PLCZ1: variants seen among roughly 807,000 people sequenced by gnomAD.
PLCZ1 encodes phospholipase C zeta 1.
A neutral mutation model predicts 76.8 loss-of-function variants in PLCZ1; 64 were observed. The ratio of observed to expected loss-of-function variants is 0.83; its 90% CI spans 0.68 to 1.03. The LOEUF (loss-of-function observed/expected upper bound fraction) is 1.03. Ranked by LOEUF, PLCZ1 falls within the 50% of genes least tolerant of loss-of-function variation. The probability of loss-of-function intolerance (pLI) is 0.00; values close to 1 mark genes in which losing one functional copy is unlikely to be tolerated. For missense variants in PLCZ1, 751 were observed against 713.7 expected (o/e 1.05, Z -0.60); for synonymous variants, 248 against 230.8 (o/e 1.07, Z -0.68).
intron 10 of PLCZ1, among the ~76,000 whole-genome samples, chr12:18,697,736 C>T (rs527434628): frequency 1.1e-4 from 16 of 151,866 alleles, no homozygotes; most frequent in Non-Finnish European, 2.1e-4. Flanking sequence ...TTTCACAAAC[C>T]GTTATCTTTA....
At chr12:18,664,638 C>T in the PLCZ1 span, among the ~76,000 whole-genome samples, 1 of 151,760 alleles carries the variant, frequency 6.6e-6, no homozygotes, top group East Asian at 2.0e-4. Flanking sequence ...ACCATTTGAC[C>T]CAGCCATCCC....
chr12:18,703,315 A>T (rs1956184170), intron 7 of PLCZ1, among the ~76,000 whole-genome samples: 2 of 152,106 alleles, frequency 1.3e-5, no homozygotes, highest in South Asian at 4.1e-4. Flanking sequence ...ATGTCTTGTC[A>T]CTAGTGTCAC....
At chr12:18,737,564 C>G in intron 1 of PLCZ1, 55 bp from the exon 2 acceptor site, 1 of 726,756 alleles carries the variant, frequency 1.4e-6, no homozygotes, top group Non-Finnish European at 2.4e-6. Context: ...TTCTTTGAAG[C>G]TAGCTCACAC....
intron 4 of PLCZ1, among the ~76,000 whole-genome samples, chr12:18,721,302 G>T (rs567048446): frequency 6.6e-6 from 1 of 152,136 alleles, no homozygotes; most frequent in African/African-American, 2.4e-5. Context: ...GAGGGATGAG[G>T]CTGAGGAACT....
At chr12:18,708,302 C>T (rs1565702783) in intron 6 of PLCZ1, among the ~76,000 whole-genome samples, 1 of 152,136 alleles carries the variant, frequency 6.6e-6, no homozygotes, top group Admixed American at 6.6e-5. Context: ...GCTTATTTCA[C>T]TTAACATAAT....
rs745955620 is a variant in PLCZ1, at chr12:18,723,485, G to T, written c.193C>A (p.Arg65=). The change falls in exon 4 of 15, where the codon CGA becomes AGA. Residue 65 remains arginine (R), a synonymous_variant. Coordinates refer to ENST00000266505, the MANE Select transcript of PLCZ1 (RefSeq NM_033123.4). ...ATTTCTTCTCTGTGCGTGATAATTC[G>T]ATAAATTGCTCTAAATTCTTCTATG... is the stretch of plus-strand genomic sequence containing the variant. ...ITIEEFRAIY[R]IITHREEIIE... 2.5e-6 allele frequency: 4 copies of T among 1,612,808 alleles called. No individual in the cohort carries two copies. The highest frequency in any genetic ancestry group is 3.4e-6 in the Non-Finnish European group (4 of 1,179,394).
At chr12:18,729,494 A>G (rs756545093) in intron 3 of PLCZ1, among the ~76,000 whole-genome samples, 4 of 152,034 alleles carry the variant, frequency 2.6e-5, no homozygotes, top group Non-Finnish European at 5.9e-5. Context: ...AGTTTCCTAC[A>G]GAGTGTCACC....
chr12:18,663,562 T>A, the PLCZ1 span, among the ~76,000 whole-genome samples: 1 of 152,060 alleles, frequency 6.6e-6, no homozygotes, highest in South Asian at 2.1e-4. Context: ...AATCCCACAT[T>A]GATACCAAAG....
chr12:18,654,505 G>A, the PLCZ1 span, among the ~76,000 whole-genome samples: 4 of 152,114 alleles, frequency 2.6e-5, no homozygotes, highest in South Asian at 2.1e-4. Context: ...ATTTCAGACC[G>A]AAATCCCAGG....
chr12:18,657,061 G>GATCCCAAAA, the PLCZ1 span, among the ~76,000 whole-genome samples: 7 of 151,984 alleles, frequency 4.6e-5, no homozygotes, highest in Non-Finnish European at 1.0e-4. Context: ...CTTGGCTAGT[G>GATCCCAAAA]ATCCCAAAAA....
intron 3 of PLCZ1, among the ~76,000 whole-genome samples, chr12:18,731,738 C>G (rs571929548): frequency 6.6e-6 from 1 of 151,994 alleles, no homozygotes; most frequent in Admixed American, 6.6e-5. Context: ...TTTTAAGGTT[C>G]CTATTGATCT....
At chr12:18,709,190 GT>G (rs1956998379) in intron 6 of PLCZ1, among the ~76,000 whole-genome samples, 1 of 152,084 alleles carries the variant, frequency 6.6e-6, no homozygotes, top group African/African-American at 2.4e-5. Context: ...ATGATTTGTT[GT>G]GTATGGTATA....
At chr12:18,701,286 A>G (rs1401786931) in intron 9 of PLCZ1, among the ~76,000 whole-genome samples, 1 of 152,130 alleles carries the variant, frequency 6.6e-6, no homozygotes, top group Non-Finnish European at 1.5e-5. Flanking sequence ...TGCTCAGCCT[A>G]GAGAAAAAAA....
chr12:18,697,729 C>G (rs2137208652), intron 10 of PLCZ1, among the ~76,000 whole-genome samples: 1 of 152,134 alleles, frequency 6.6e-6, no homozygotes, highest in African/African-American at 2.4e-5. Context: ...TGTTCCCTTT[C>G]ACAAACCGTT....
At chr12:18,737,761 C>T (rs570458787) in intron 1 of PLCZ1, 171 bp downstream of exon 1, 8 of 354,698 alleles carry the variant, frequency 2.3e-5, no homozygotes, top group African/African-American at 1.7e-4. Flanking sequence ...TGTTTAAACC[C>T]CTCAAACCTT....
intron 4 of PLCZ1, among the ~76,000 whole-genome samples, chr12:18,723,006 T>C (rs894799102): frequency 6.6e-6 from 1 of 152,034 alleles, no homozygotes; most frequent in African/African-American, 2.4e-5. Flanking sequence ...ATAGGGTACA[T>C]GTAATAGAAT....
chr12:18,736,944 A>T (rs1409845163), intron 2 of PLCZ1, among the ~76,000 whole-genome samples: 1 of 138,164 alleles, frequency 7.2e-6, no homozygotes, highest in African/African-American at 2.8e-5. Context: ...TATATTTGGT[A>T]TGAAAAACGA....
the PLCZ1 span, among the ~76,000 whole-genome samples, chr12:18,661,441 G>A: frequency 3.4e-4 from 51 of 152,174 alleles, no homozygotes; most frequent in Middle Eastern, 3.4e-3. Context: ...AGGCCTTTTC[G>A]TAGGATTATA....
chr12:18,727,608 C>T (rs942825073), intron 3 of PLCZ1, among the ~76,000 whole-genome samples: 3 of 152,106 alleles, frequency 2.0e-5, no homozygotes, highest in Non-Finnish European at 4.4e-5. Flanking sequence ...GTTAGTGAAG[C>T]TGCGGGAGCA....
Sources: gnomAD v4.1 joint callset for allele counts (sites outside exome capture counted in the v4.1 genomes callset) on GRCh38, gnomAD v4.1.1 for gene constraint, MANE v1.5 for transcripts, NCBI Gene and HGNC (gene_info 2026-07-23, HGNC 2026-07-21) for gene names.